ZFTA: variants seen among roughly 807,000 people sequenced by gnomAD.
ZFTA encodes zinc finger translocation associated.
ZFTA carries 35 observed loss-of-function variants against 41.8 expected under a neutral mutation model. The observed-to-expected ratio is 0.84, with a 90% CI of 0.64 to 1.11. ZFTA has a LOEUF of 1.11. Ranked by LOEUF, ZFTA falls within the 50% of genes most tolerant of loss-of-function variation. ZFTA has a pLI of 0.00. For synonymous variants in ZFTA, 514 were observed against 436.4 expected, an observed-to-expected ratio of 1.18 and a Z score of -2.22; for missense variants, 964 against 989.8, an observed-to-expected ratio of 0.97 and a Z score of 0.35.
chr11:63,765,220 C>T lies in ZFTA; in HGVS notation c.672G>A (p.Gln224=). 6.8e-7 allele frequency: 1 copy of T among 1,463,848 alleles called. No homozygotes were observed. Among genetic ancestry groups the T allele is most frequent in the Non-Finnish European group, 9.0e-7 (1 of 1,114,304 alleles). The allele number at this position is 1,463,848 out of a possible 1,614,324, so 90.7% of individuals were successfully genotyped here. The change falls in exon 3 of 5, where the codon CAG becomes CAA. Residue 224 remains glutamine (Q), a synonymous_variant. Coordinates refer to ENST00000433688, the MANE Select transcript of ZFTA (RefSeq NM_001144936.2). The surrounding 1 kb of genome is among the most constrained non-coding windows in gnomAD (Gnocchi z 4.0). ...KAPAGGGCRR[Q]RRGGPVAPRA... is the part of the protein sequence containing the mutation. The stretch of plus-strand genomic sequence containing the variant: ...GGGGTGCCACTGGGCCCCCTCGCCG[C>T]TGGCGCCGGCAGCCCCCACCAGCTG...
At position 63,765,427 on chromosome 11, in the gene ZFTA, G is replaced by A. The variant is rs1225275006; in HGVS notation, c.638-173C>T. ...AAACCCTCCTCTGCTAGCATTTCAA[G>A]CACCACCCACACCTCCCCCAGACTG... On this transcript the variant is annotated intron_variant, in intron 2 of 4. Coordinates refer to ENST00000433688, the MANE Select transcript of ZFTA (RefSeq NM_001144936.2). The surrounding 1 kb of genome is among the most constrained non-coding windows in gnomAD (Gnocchi z 4.0). Among the ~76,000 whole-genome samples, 1 of 151,966 alleles carries A rather than the reference G, an allele frequency of 6.6e-6. No individual in the cohort carries two copies. The highest frequency in any genetic ancestry group is 2.4e-5 in the African/African-American group (1 of 41,354).
chr11:63,764,787 T>C (rs1590910170), intron 3 of ZFTA, 81 bp downstream of exon 3: 1 of 1,422,142 alleles, frequency 7.0e-7, no homozygotes, highest in South Asian at 1.5e-5. Flanking sequence ...CAGCCCTAAG[T>C]CCCTGCCTCC....
In ZFTA at chr11:63,763,324, C is replaced by A; in HGVS notation, c.*94G>T. ...GGCCGCGGGAAGCGCTAACACCGGA[C>A]GCGAGGGTCTCCCAGCCGAAGGGCC... On this transcript the variant is annotated 3_prime_UTR_variant, in exon 5 of 5. Transcript: ENST00000433688. The A allele has an allele frequency of 2.1e-6, 2 of 967,330 alleles. No homozygotes were observed. The highest frequency in any genetic ancestry group is 2.6e-6 in the Non-Finnish European group (2 of 777,130). 59.9% of individuals were successfully genotyped at this position (967,330 alleles called of 1,614,324 possible).
intron 4 of ZFTA, 33 bp from the exon 5 acceptor site, chr11:63,763,902 G>A (rs1458875637): frequency 1.4e-6 from 2 of 1,406,106 alleles, no homozygotes; most frequent in African/African-American, 1.5e-5. Flanking sequence ...ATTGGCGACG[G>A]CGGGGGGCAG....
rs1329082410 is a variant in ZFTA, at chr11:63,765,940, A to G, written c.504T>C (p.Asp168=). 1 of 1,551,574 alleles carries G rather than the reference A, an allele frequency of 6.4e-7. No homozygotes were observed. Among genetic ancestry groups the G allele is most frequent in the Non-Finnish European group, 8.7e-7 (1 of 1,146,992 alleles). Residue 168 remains aspartate, a synonymous_variant, in exon 2 of 5, where the codon GAT becomes GAC. Coordinates refer to ENST00000433688, the MANE Select transcript of ZFTA (RefSeq NM_001144936.2). The surrounding 1 kb of genome is among the most constrained non-coding windows in gnomAD (Gnocchi z 4.0). ...REKEVISNSW[D]AHLGLGACGE... is the part of the protein sequence containing the mutation. ...CGCAGGCCCCCAGCCCCAGGTGTGC[A>G]TCCCAGCTGTTGCTGATGACTTCCT...
Position 63,763,526 on chromosome 11 carries a change from G to A in ZFTA, c.1929C>T (p.Tyr643=), listed in dbSNP as rs1279572725. ...CGTAGCAGCGCAGCGCCGCCTCCTC[G>A]TAGGCCTCCAGGATAGTCTGGCGCT... ...PEERQTILEA[Y]EEAALRCYGH... is the part of the protein sequence containing the mutation. The change falls in exon 5 of 5, where the codon TAC becomes TAT. Residue 643 remains tyrosine, a synonymous_variant. Transcript: ENST00000433688. 8 of 1,545,246 alleles carry A rather than the reference G, an allele frequency of 5.2e-6. No individual in the cohort carries two copies. The highest frequency in any genetic ancestry group is 7.0e-6 in the Non-Finnish European group (8 of 1,143,844).
Position 63,763,518 on chromosome 11 carries a change from G to T in ZFTA, c.1937C>A (p.Ala646Glu). ...RQTILEAYEEAALRCYGHEGF... is the reference protein window; with the variant it reads ...RQTILEAYEEEALRCYGHEGF... ...CTCGTGGCCGTAGCAGCGCAGCGCCGCCTCCTCGTAGGCCTCCAGGATAGT... is the reference window on the plus strand; with the variant it reads ...CTCGTGGCCGTAGCAGCGCAGCGCCTCCTCCTCGTAGGCCTCCAGGATAGT... The change falls in exon 5 of 5, where the codon GCG (alanine) becomes GAG (glutamate). Residue 646 changes from alanine (A) to glutamate (E), a missense_variant. By Grantham distance (107) the Ala-to-Glu change is moderately radical. Coordinates refer to ENST00000433688, the MANE Select transcript of ZFTA (RefSeq NM_001144936.2). 1.9e-6 allele frequency: 3 copies of T among 1,543,978 alleles called. No homozygotes were observed.
In ZFTA at chr11:63,768,746, G is replaced by T; in HGVS notation, c.-124C>A. Reference sequence around the variant, plus strand: ...GCGGGGCGCATGCACGGGGCGGCCGGCCGCACGGACGGCAGGCTGCTCGCT... The same window carrying T: ...GCGGGGCGCATGCACGGGGCGGCCGTCCGCACGGACGGCAGGCTGCTCGCT... On this transcript the variant is annotated 5_prime_UTR_variant, in exon 1 of 5. Coordinates refer to ENST00000433688, the MANE Select transcript of ZFTA (RefSeq NM_001144936.2). The T allele has an allele frequency of 7.6e-6, 2 of 263,064 alleles. No individual in the cohort carries two copies. Among genetic ancestry groups the T allele is most frequent in the Non-Finnish European group, 1.2e-5 (2 of 172,032 alleles). The allele number at this position is 263,064 out of a possible 1,614,324, so 16.3% of individuals were successfully genotyped here. A position where few individuals can be genotyped will look rare whatever the true frequency, so the allele number is the denominator to read the frequency against.
At chr11:63,766,674 G>C (rs937124817) in intron 1 of ZFTA, among the ~76,000 whole-genome samples, 6 of 152,228 alleles carry the variant, frequency 3.9e-5, no homozygotes, top group African/African-American at 1.4e-4. Flanking sequence ...AGCTGGAGCA[G>C]AGCAGGCAGT....
chr11:63,766,180 G>C lies in ZFTA; in HGVS notation c.264C>G (p.Ala88=). Residue 88 remains alanine (A), a synonymous_variant, in exon 2 of 5, where the codon GCC becomes GCG. Transcript: ENST00000433688. ...RKYSDHCEAR[A]SRPGKSRIPG... ...GGATGCGGCTCTTTCCAGGCCTCGA[G>C]GCCCGGGCCTCACAGTGGTCTGAAT... is the stretch of plus-strand genomic sequence containing the variant. The C allele has an allele frequency of 6.6e-7, 1 of 1,526,424 alleles. No homozygotes were observed. The highest frequency in any genetic ancestry group is 8.8e-7 in the Non-Finnish European group (1 of 1,135,832). The allele number at this position is 1,526,424 out of a possible 1,614,324, so 94.6% of individuals were successfully genotyped here.
In ZFTA at chr11:63,768,554, G is replaced by A. The variant is rs1565060486; in HGVS notation, c.69C>T (p.Ala23=). 3 of 1,101,952 alleles carry A rather than the reference G, an allele frequency of 2.7e-6. No individual in the cohort carries two copies. Among genetic ancestry groups the A allele is most frequent in the Non-Finnish European group, 2.2e-6 (2 of 907,214 alleles). 68.3% of individuals were successfully genotyped at this position (1,101,952 alleles called of 1,614,324 possible). The change falls in exon 1 of 5, where the codon GCC becomes GCT. Residue 23 remains alanine, a synonymous_variant. Coordinates refer to ENST00000433688, the MANE Select transcript of ZFTA (RefSeq NM_001144936.2). ...GGRGGPGPAV[A]SARGRRLPPA... ...GCGGCAGCCGTCGGCCCCGTGCCGA[G>A]GCCACTGCTGGCCCGGGGCCGCCCC...
At chr11:63,766,406 G>C (rs907741268) in intron 1 of ZFTA, 102 bp from the exon 2 acceptor site, 1 of 1,373,702 alleles carries the variant, frequency 7.3e-7, no homozygotes, top group Non-Finnish European at 9.4e-7. Context: ...GGGGGAGGGG[G>C]TGTTCCGGGG....
Position 63,765,863 on chromosome 11 carries a change from TC to T in ZFTA, c.580del (p.Glu194LysfsTer67). The T allele has an allele frequency of 1.0e-6, 1 of 968,890 alleles. No individual in the cohort carries two copies. Among genetic ancestry groups the T allele is most frequent in the Non-Finnish European group, 1.3e-6 (1 of 756,012 alleles). The allele number at this position is 968,890 out of a possible 1,614,324, so 60.0% of individuals were successfully genotyped here. On this transcript the variant is annotated frameshift_variant, in exon 2 of 5. Coordinates refer to ENST00000433688, the MANE Select transcript of ZFTA (RefSeq NM_001144936.2). LOFTEE classifies it high-confidence loss of function. This position sits in a 1 kb window ranked among gnomAD's most constrained non-coding sequence, Gnocchi z 4.0. ...GGCCCCCTCCTCCTCCTCCTCTTCT[TC>T]CTCCTCCTCCTCCTCCTCAGCCCCC... ...VQGAEEEEEE[E>X]EEEEEEGAGV...
At position 63,765,942 on chromosome 11, in the gene ZFTA, C is replaced by T. The variant is rs1372237055; in HGVS notation, c.502G>A (p.Asp168Asn). 1.3e-6 allele frequency: 2 copies of T among 1,551,658 alleles called. No individual in the cohort carries two copies. The highest frequency in any genetic ancestry group is 1.4e-5 in the African/African-American group (1 of 73,070). Residue 168 changes from aspartate to asparagine, a missense_variant, in exon 2 of 5, where the codon GAT becomes AAT. Around this residue, in one of 5 missense-constraint regions of ZFTA, gnomAD observed 141 missense variants for 216.7 expected, o/e 0.65. Transcript: ENST00000433688. This position sits in a 1 kb window ranked among gnomAD's most constrained non-coding sequence, Gnocchi z 4.0. ...REKEVISNSW[D>N]AHLGLGACGE... ...CAGGCCCCCAGCCCCAGGTGTGCATCCCAGCTGTTGCTGATGACTTCCTTC... is the reference window on the plus strand; with the variant it reads ...CAGGCCCCCAGCCCCAGGTGTGCATTCCAGCTGTTGCTGATGACTTCCTTC...
intron 1 of ZFTA, among the ~76,000 whole-genome samples, chr11:63,768,124 T>G (rs2135099174): frequency 6.6e-6 from 1 of 152,102 alleles, no homozygotes; most frequent in East Asian, 2.0e-4. Flanking sequence ...GAAAGCCCGA[T>G]TAGGGAGACC....
At chr11:63,766,658 G>T (rs1270568047) in intron 1 of ZFTA, among the ~76,000 whole-genome samples, 2 of 152,182 alleles carry the variant, frequency 1.3e-5, no homozygotes, top group Non-Finnish European at 2.9e-5. Flanking sequence ...AGGCCAGGGC[G>T]GTTCCAGCTG....
chr11:63,767,634 T>C (rs1230530601), intron 1 of ZFTA: 6 of 152,198 alleles, frequency 3.9e-5, no homozygotes, highest in Admixed American at 3.9e-4. Context: ...ATGGGGCGTT[T>C]CTGGGAGGGG....
chr11:63,760,543 A>T lies in ZFTA; in HGVS notation c.*2875T>A, dbSNP rs938201202. 2 of 152,246 alleles carry T rather than the reference A, an allele frequency of 1.3e-5. No homozygotes were observed. The highest frequency in any genetic ancestry group is 2.9e-5 in the Non-Finnish European group (2 of 68,048). 9.4% of individuals were successfully genotyped at this position (152,246 alleles called of 1,614,324 possible). A position where few individuals can be genotyped will look rare whatever the true frequency, so the allele number is the denominator to read the frequency against. On this transcript the variant is annotated 3_prime_UTR_variant, in exon 5 of 5. Transcript: ENST00000433688. Reference sequence around the variant, plus strand: ...TTACATATTGGCCATAATAGCAAGCATACCATTAACAACAACAACAAAAAA... The same window carrying T: ...TTACATATTGGCCATAATAGCAAGCTTACCATTAACAACAACAACAAAAAA...
chr11:63,764,669 C>T, intron 3 of ZFTA, 71 bp from the exon 4 acceptor site: 1 of 1,290,906 alleles, frequency 7.7e-7, no homozygotes, highest in East Asian at 3.1e-5. Context: ...TCAGAGGGGT[C>T]CATCCTGGCT....
Sources: allele counts gnomAD v4.1 joint callset (sites outside exome capture counted in the v4.1 genomes callset), GRCh38; gene constraint gnomAD v4.1.1; regional missense constraint gnomAD v4.1.1; non-coding constraint Gnocchi (gnomAD v3.1); transcripts MANE v1.5; gene names NCBI Gene and HGNC (gene_info 2026-07-23, HGNC 2026-07-21).